The following GPHN variants were observed in gnomAD, a reference collection of about 807,000 sequenced individuals.
GPHN encodes gephyrin.
Under a neutral mutation model 95.5 loss-of-function variants are expected in GPHN, and 17 were observed. The ratio of observed to expected loss-of-function variants is 0.18; its 90% CI spans 0.12 to 0.27. GPHN has a LOEUF of 0.27. Among genes scored for constraint, GPHN ranks in the 10% least tolerant of loss-of-function variants. GPHN has a pLI of 1.00. For synonymous variants in GPHN, 320 were observed against 322.5 expected (o/e 0.99, Z 0.08); for missense variants, 660 against 978.1 (o/e 0.67, Z 4.34).
chr14:67,674,196 C>A, the GPHN span, among the ~76,000 whole-genome samples: 3 of 152,194 alleles, frequency 2.0e-5, no homozygotes, highest in African/African-American at 7.2e-5. Flanking sequence ...ATCCCGAGGT[C>A]CAATTTACTC....
In GPHN at chr14:66,707,614, A is replaced by G. The variant is rs374647462; in HGVS notation, c.143+26429A>G. ...CTCACTCTTAAGTGGGTGTTGAACA[A>G]TGAGAACACATGGACACACGGAGGA... On this transcript the variant is annotated intron_variant, in intron 2 of 22. Transcript: ENST00000478722. Among the ~76,000 whole-genome samples the G allele has an allele frequency of 1.1e-4, 16 of 152,260 alleles. No homozygotes were observed. In the East Asian group the frequency reaches 1.4e-3, roughly 13 times the overall value.
the GPHN span, among the ~76,000 whole-genome samples, chr14:67,308,008 T>C: frequency 2.0e-5 from 3 of 152,046 alleles, no homozygotes; most frequent in African/African-American, 7.2e-5. Context: ...CATGTTCTCT[T>C]ACATGTGGGA....
intron 17 of GPHN, among the ~76,000 whole-genome samples, chr14:67,129,103 C>A (rs909998238): frequency 1.3e-5 from 2 of 151,540 alleles, no homozygotes; most frequent in African/African-American, 4.8e-5. Flanking sequence ...TGTGAGCCAT[C>A]GTGCCCAGCC....
chr14:66,579,310 C>G (rs191273349), intron 1 of GPHN, among the ~76,000 whole-genome samples: 84 of 151,670 alleles, frequency 5.5e-4, no homozygotes, highest in African/African-American at 2.0e-3. Flanking sequence ...TGCAAAGCTA[C>G]CAGAAAACAA....
intron 1 of GPHN, among the ~76,000 whole-genome samples, chr14:66,637,095 G>A (rs1469715910): frequency 2.0e-5 from 3 of 152,090 alleles, no homozygotes; most frequent in Non-Finnish European, 4.4e-5. Flanking sequence ...CCAAAGAATT[G>A]AAGAGTAAGT....
At chr14:67,260,231 C>T in the GPHN span, among the ~76,000 whole-genome samples, 4 of 152,168 alleles carry the variant, frequency 2.6e-5, no homozygotes, top group African/African-American at 4.8e-5. Flanking sequence ...CATTCCTCTA[C>T]GGCCATACCA....
At chr14:67,201,959 T>A in the GPHN span, among the ~76,000 whole-genome samples, 1 of 152,158 alleles carries the variant, frequency 6.6e-6, no homozygotes, top group Non-Finnish European at 1.5e-5. Flanking sequence ...ATACATGCTG[T>A]TCCTCTGCCT....
chr14:66,659,069 CT>C (rs201901576), intron 1 of GPHN, among the ~76,000 whole-genome samples: 2,905 of 152,048 alleles, frequency 0.019, 37 homozygotes, highest in Middle Eastern at 0.034. Context: ...AAAAAATGCA[CT>C]TATTGCTATA....
At chr14:66,716,365 C>T (rs929418547) in intron 2 of GPHN, among the ~76,000 whole-genome samples, 3 of 152,096 alleles carry the variant, frequency 2.0e-5, no homozygotes, top group Non-Finnish European at 4.4e-5. Flanking sequence ...TGCCCTTTTC[C>T]AACCTTTTAC....
rs147903126 is a variant in GPHN at position 66,644,839 on chromosome 14, A to G, written c.65-36268A>G. Among the ~76,000 whole-genome samples, 919 of 152,242 alleles carry G rather than the reference A, an allele frequency of 6.0e-3. 10 individuals are homozygous for G. Among genetic ancestry groups the G allele is most frequent in the African/African-American group, 0.022 (896 of 41,550 alleles). On this transcript the variant is annotated intron_variant, in intron 1 of 22. Coordinates refer to ENST00000478722, the MANE Select transcript of GPHN (RefSeq NM_020806.5). ...CAAATCTGGGATTATAAGTTTTTCA[A>G]AGTTTTGAATAAGCTAATGATTATA...
the GPHN span, chr14:67,570,220 C>T: frequency 1.1e-5 from 4 of 379,892 alleles, no homozygotes; most frequent in South Asian, 1.1e-4. Flanking sequence ...TCAGTATGAA[C>T]GTGGACAAGG....
chr14:67,360,328 A>G, the GPHN span: 1 of 397,922 alleles, frequency 2.5e-6, no homozygotes, highest in Non-Finnish European at 4.4e-6. Context: ...GAGGTTCCGC[A>G]TGCGCGGTGG....
At chr14:67,516,842 T>C in the GPHN span, among the ~76,000 whole-genome samples, 60,191 of 151,854 alleles carry the variant, frequency 0.4, 12,934 homozygotes, top group East Asian at 0.48. Context: ...GGGAGTCATG[T>C]TGGGTTCCTC....
intron 4 of GPHN, among the ~76,000 whole-genome samples, chr14:66,861,320 C>T (rs1283579612): frequency 1.3e-5 from 2 of 151,846 alleles, no homozygotes; most frequent in South Asian, 2.1e-4. Flanking sequence ...GCAATGAACC[C>T]AATGCTGGAG....
At position 66,807,688 on chromosome 14, in the gene GPHN, T is replaced by G. The variant is rs1202653633; in HGVS notation, c.202-16786T>G. ...CCTGATTTCTAGCAAATGAATTATC[T>G]TTACTTCTTTTGAGCTTTATATCAA... On this transcript the variant is annotated intron_variant, in intron 3 of 22. Coordinates refer to ENST00000478722, the MANE Select transcript of GPHN (RefSeq NM_020806.5). Among the ~76,000 whole-genome samples, 3 of 152,388 alleles carry G rather than the reference T, an allele frequency of 2.0e-5. No homozygotes were observed. In the East Asian group the frequency reaches 5.8e-4, roughly 29 times the overall value.
chr14:67,135,461 G>A (rs2080019756), intron 17 of GPHN, among the ~76,000 whole-genome samples: 1 of 152,166 alleles, frequency 6.6e-6, no homozygotes. Context: ...ATTAGTGAAT[G>A]ACTGGATGTA....
At chr14:67,022,541 C>CTTT (rs1214143019) in intron 9 of GPHN, among the ~76,000 whole-genome samples, 1 of 18,900 alleles carries the variant, frequency 5.3e-5, no homozygotes, top group Non-Finnish European at 1.1e-4. Context: ...ATTATTTTTC[C>CTTT]TTTTTTTTTT....
intron 1 of GPHN, among the ~76,000 whole-genome samples, chr14:66,650,917 T>C (rs1445780606): frequency 2.0e-5 from 3 of 152,188 alleles, no homozygotes; most frequent in Admixed American, 1.3e-4. Context: ...CTTAGAGAAA[T>C]GCTGGCTAGC....
chr14:67,286,659 C>T, the GPHN span, among the ~76,000 whole-genome samples: 1 of 150,474 alleles, frequency 6.6e-6, no homozygotes, highest in East Asian at 2.0e-4. Context: ...AGTTGCAGAT[C>T]AGCCTGGGCA....
Sources: allele counts gnomAD v4.1 joint callset (sites outside exome capture counted in the v4.1 genomes callset), GRCh38; gene constraint gnomAD v4.1.1; transcripts MANE v1.5; gene names NCBI Gene and HGNC (gene_info 2026-07-23, HGNC 2026-07-21).